Variants in ARMC5 observed in about 807,000 individuals in gnomAD.
ARMC5 encodes armadillo repeat-containing protein 5.
A neutral mutation model predicts 60.5 loss-of-function variants in ARMC5; 28 were observed. The ratio of observed to expected loss-of-function variants is 0.46; its 90% confidence interval spans 0.34 to 0.63. ARMC5 has a LOEUF of 0.63. Among genes scored for constraint, ARMC5 ranks in the 30% least tolerant of loss-of-function variants. The pLI is 0.01. For synonymous variants in ARMC5, 680 were observed against 607.3 expected, an observed-to-expected ratio of 1.12 and a Z score of -1.76; for missense variants, 1,189 against 1,304.9, an observed-to-expected ratio of 0.91 and a Z score of 1.37.
chr16:31,461,968 G>A lies in ARMC5; in HGVS notation c.522G>A (p.Thr174=), dbSNP rs983785791. 4.3e-6 allele frequency: 7 copies of A among 1,614,092 alleles called. No individual in the cohort carries two copies. The highest frequency in any genetic ancestry group is 1.1e-5 in the South Asian group (1 of 91,096). The change falls in exon 2 of 6, where the codon ACG becomes ACA. Residue 174 remains threonine (T), a synonymous_variant. Transcript: ENST00000268314. ...CMKTDSIQNR[T]ARALGNLAME... ...AGACAGACAGCATCCAGAACCGAAC[G>A]GCCCGTGCCCTGGGGAACTTAGCCA... is the stretch of plus-strand genomic sequence containing the variant.
chr16:31,465,622 TG>T, intron 4 of ARMC5: 1 of 1,402,642 alleles, frequency 7.1e-7, no homozygotes, highest in Non-Finnish European at 9.2e-7. Context: ...CTGGGTGGCT[TG>T]CCGCCCACAC....
Position 31,459,818 on chromosome 16 carries a change from G to C in ARMC5, c.294G>C (p.Ser98=), listed in dbSNP as rs372292806. The C allele has an allele frequency of 1.3e-6, 2 of 1,548,982 alleles. No homozygotes were observed. The highest frequency in any genetic ancestry group is 1.2e-5 in the South Asian group (1 of 86,314). The change falls in exon 1 of 6, where the codon TCG becomes TCC. Residue 98 remains serine, a synonymous_variant. Transcript: ENST00000268314. ...GPGSAPSSAA[S]GASSPAPASG... ...GCTCCGCCCCCTCGTCGGCCGCGTC[G>C]GGAGCTTCTAGCCCCGCCCCCGCGT...
rs1172534654 is a variant in ARMC5, at chr16:31,462,632, G to A, written c.1085G>A (p.Arg362Gln). Residue 362 changes from arginine (R) to glutamine (Q), a missense_variant, in exon 3 of 6, where the codon CGG (arginine) becomes CAG (glutamine). Arg to Gln is a conservative substitution (Grantham distance 43, BLOSUM62 1). This residue lies in a region of ARMC5 where 862 missense variants were observed against 1,071.2 expected (regional missense o/e 0.80). Coordinates refer to ENST00000268314, the MANE Select transcript of ARMC5 (RefSeq NM_001105247.2). The surrounding 1 kb of genome is among the most constrained non-coding windows in gnomAD (Gnocchi z 7.2). ...VCLLCREAINRARLRDAGGLD... is the reference protein window; with the variant it reads ...VCLLCREAINQARLRDAGGLD... Reference sequence around the variant, plus strand: ...CTCCTATGTCGTGAGGCCATCAACCGGGCCCGACTGCGGGATGCTGGTGGC... The same window carrying A: ...CTCCTATGTCGTGAGGCCATCAACCAGGCCCGACTGCGGGATGCTGGTGGC... 1 of 1,613,590 alleles carries A rather than the reference G, an allele frequency of 6.2e-7. No individual in the cohort carries two copies. The highest frequency in any genetic ancestry group is 8.5e-7 in the Non-Finnish European group (1 of 1,180,004).
At chr16:31,465,434 T>C in intron 4 of ARMC5, 2 of 1,058,278 alleles carry the variant, frequency 1.9e-6, no homozygotes, top group Non-Finnish European at 2.5e-6. Flanking sequence ...GGCCTGGTTT[T>C]TCCCAGGTTA....
upstream of ARMC5, chr16:31,458,705 G>A (rs892419605): frequency 4.1e-6 from 6 of 1,456,730 alleles, no homozygotes; most frequent in Middle Eastern, 2.4e-4. Flanking sequence ...GGCTGCTCAG[G>A]CGGAGCCACC....
In ARMC5 at chr16:31,464,543, C is replaced by T. The variant is rs142376949; in HGVS notation, c.1520C>T (p.Pro507Leu). The T allele has an allele frequency of 0.023, 37,018 of 1,588,790 alleles. 555 individuals are homozygous for T. Among genetic ancestry groups the T allele is most frequent in the South Asian group, 0.046 (4,087 of 88,970 alleles). The change falls in exon 4 of 6, where the codon CCG becomes CTG. Residue 507 changes from proline (P) to leucine (L), a missense_variant. By Grantham distance (98) the Pro-to-Leu change is moderately conservative. Around this residue, in one of 2 missense-constraint regions of ARMC5, gnomAD observed 862 missense variants for 1,071.2 expected, o/e 0.80. Coordinates refer to ENST00000268314, the MANE Select transcript of ARMC5 (RefSeq NM_001105247.2). This position sits in a 1 kb window ranked among gnomAD's most constrained non-coding sequence, Gnocchi z 7.6. The stretch of plus-strand genomic sequence containing the variant: ...CGGGCACCACGCACCCAACGCACTC[C>T]GGGCCGCAGCCCCGCCGCCGCCATC... ...SLRAPRTQRT[P>L]GRSPAAAIEE... is the part of the protein sequence containing the mutation.
chr16:31,460,609 T>C (rs1468871450), intron 1 of ARMC5, among the ~76,000 whole-genome samples: 1 of 152,242 alleles, frequency 6.6e-6, no homozygotes, highest in Non-Finnish European at 1.5e-5. Context: ...TACGCGCCTG[T>C]AGTTCCAGCT....
rs181006627 is a variant in ARMC5 at position 31,462,177 on chromosome 16, G to T, written c.630G>T (p.Ser210=). ...LVESLTACQD[S]QCLQSVVRAL... ...AGAGCCTGACAGCCTGCCAGGACTC[G>T]CAGTGCCTACAGAGCGTGGTGCGTG... The change falls in exon 3 of 6, where the codon TCG becomes TCT. Residue 210 remains serine (S), a synonymous_variant. Coordinates refer to ENST00000268314, the MANE Select transcript of ARMC5 (RefSeq NM_001105247.2). The surrounding 1 kb of genome is among the most constrained non-coding windows in gnomAD (Gnocchi z 7.2). 11 of 1,612,486 alleles carry T rather than the reference G, an allele frequency of 6.8e-6. No homozygotes were observed. The highest frequency in any genetic ancestry group is 1.3e-5 in the African/African-American group (1 of 74,896).
Position 31,462,490 on chromosome 16 carries a change from C to A in ARMC5, c.943C>A (p.Arg315=). The A allele has an allele frequency of 1.2e-6, 2 of 1,612,006 alleles. No individual in the cohort carries two copies. Among genetic ancestry groups the A allele is most frequent in the Non-Finnish European group, 1.7e-6 (2 of 1,179,818 alleles). ...LANLCAQGLI[R]PALGNAGGVE... is the part of the protein sequence containing the mutation. ...CAACCTGTGTGCCCAGGGCCTGATT[C>A]GGCCTGCACTGGGCAATGCTGGTGG... The change falls in exon 3 of 6, where the codon CGG becomes AGG. Residue 315 remains arginine, a synonymous_variant. Coordinates refer to ENST00000268314, the MANE Select transcript of ARMC5 (RefSeq NM_001105247.2). The surrounding 1 kb of genome is among the most constrained non-coding windows in gnomAD (Gnocchi z 7.2).
chr16:31,465,188 C>T, intron 4 of ARMC5: 2 of 1,594,928 alleles, frequency 1.3e-6, no homozygotes, highest in Non-Finnish European at 1.7e-6. Flanking sequence ...GCCATTGGTT[C>T]AGCACTGTCC....
At position 31,462,805 on chromosome 16, in the gene ARMC5, C is replaced by T; in HGVS notation, c.1258C>T (p.Leu420=). 1 of 1,613,996 alleles carries T rather than the reference C, an allele frequency of 6.2e-7. No homozygotes were observed. The highest frequency in any genetic ancestry group is 2.2e-5 in the East Asian group (1 of 44,882). The change falls in exon 3 of 6, where the codon CTG becomes TTG. Residue 420 remains leucine (L), a synonymous_variant. Coordinates refer to ENST00000268314, the MANE Select transcript of ARMC5 (RefSeq NM_001105247.2). The surrounding 1 kb of genome is among the most constrained non-coding windows in gnomAD (Gnocchi z 7.2). ...LGLVPLLAGQ[L]CGEAGEEEEE... is the part of the protein sequence containing the mutation. ...ACTTGTGCCTCTCCTGGCTGGGCAG[C>T]TGTGTGGTGAGGCTGGTGAGGAGGA...
chr16:31,466,106 T>G lies in ARMC5; in HGVS notation c.2025T>G (p.Leu675=). The stretch of plus-strand genomic sequence containing the variant: ...AGCCCTCTCTGTGGCGCCGGCTGCT[T>G]CTGGAGCAGGGTGGTCTCCGGCTCC... ...CRKPSLWRRL[L]LEQGGLRLLL... is the part of the protein sequence containing the mutation. Residue 675 remains leucine, a synonymous_variant, in exon 6 of 6, where the codon CTT becomes CTG. Transcript: ENST00000268314. This position sits in a 1 kb window ranked among gnomAD's most constrained non-coding sequence, Gnocchi z 8.0. 6.2e-7 allele frequency: 1 copy of G among 1,601,994 alleles called. No homozygotes were observed. Among genetic ancestry groups the G allele is most frequent in the Non-Finnish European group, 8.5e-7 (1 of 1,179,458 alleles).
Position 31,459,896 on chromosome 16 carries a change from C to T in ARMC5, c.372C>T (p.Arg124=). 1.2e-6 allele frequency: 2 copies of T among 1,606,088 alleles called. No individual in the cohort carries two copies. The highest frequency in any genetic ancestry group is 2.2e-5 in the East Asian group (1 of 44,846). The change falls in exon 1 of 6, where the codon CGC becomes CGT. Residue 124 remains arginine (R), a synonymous_variant. Transcript: ENST00000268314. The part of the protein sequence containing the change: ...VSSSSPTPPV[R]LRKTLDLALS... ...CGTCTAGTCCTACGCCGCCAGTGCG[C>T]CTGCGCAAGACGCTGGACTTGGCGC...
chr16:31,460,035 G>A, intron 1 of ARMC5, 36 bp downstream of exon 1: 1 of 1,590,284 alleles, frequency 6.3e-7, no homozygotes, highest in South Asian at 1.1e-5. Flanking sequence ...GAAAGATTAG[G>A]TTTGCAACTC....
At chr16:31,458,570 C>T, upstream of ARMC5, 1 of 1,496,554 alleles carries the variant, frequency 6.7e-7, no homozygotes, top group Non-Finnish European at 9.0e-7. Flanking sequence ...GTGGTCAGTC[C>T]ACATTTCCGG....
chr16:31,464,812 G>A lies in ARMC5; in HGVS notation c.1789G>A (p.Val597Met). The A allele has an allele frequency of 6.3e-7, 1 of 1,597,382 alleles. No homozygotes were observed. The highest frequency in any genetic ancestry group is 1.1e-5 in the South Asian group (1 of 90,748). ...CGCGGCGCTGCTGCGGGCCTGGCTG[G>A]TGCTGGGGGTGGCGCCTGACGATTG... is the stretch of plus-strand genomic sequence containing the variant. ...YGAALLRAWL[V>M]LGVAPDDWPA... The change falls in exon 4 of 6, where the codon GTG becomes ATG. Residue 597 changes from valine to methionine, a missense_variant. By Grantham distance (21) the Val-to-Met change is conservative. Around this residue, in one of 2 missense-constraint regions of ARMC5, gnomAD observed 862 missense variants for 1,071.2 expected, o/e 0.80. Coordinates refer to ENST00000268314, the MANE Select transcript of ARMC5 (RefSeq NM_001105247.2). The surrounding 1 kb of genome is among the most constrained non-coding windows in gnomAD (Gnocchi z 7.6).
At chr16:31,459,142 T>C (rs1411281396), upstream of ARMC5, 6 of 1,494,606 alleles carry the variant, frequency 4.0e-6, no homozygotes, top group Non-Finnish European at 3.6e-6. Context: ...GAAAAGGCGG[T>C]CCCCGCCGAG....
At chr16:31,458,381 G>A (rs746868666), upstream of ARMC5, 30 of 1,534,668 alleles carry the variant, frequency 2.0e-5, no homozygotes, top group South Asian at 3.1e-4. Flanking sequence ...CTAGGCACAG[G>A]CATAGGGCCG....
upstream of ARMC5, chr16:31,459,081 C>G (rs1471722954): frequency 1.3e-6 from 2 of 1,491,536 alleles, no homozygotes; most frequent in African/African-American, 1.4e-5. Context: ...GGAGTCCGTC[C>G]CAAGGCCGGG....
Sources: allele counts gnomAD v4.1 joint callset (sites outside exome capture counted in the v4.1 genomes callset), GRCh38; gene constraint gnomAD v4.1.1; regional missense constraint gnomAD v4.1.1; non-coding constraint Gnocchi (gnomAD v3.1); transcripts MANE v1.5; gene names NCBI Gene and HGNC (gene_info 2026-07-23, HGNC 2026-07-21).